Variants in PXN observed in about 807,000 individuals in gnomAD.
PXN encodes the protein paxillin.
PXN carries 61 observed loss-of-function variants against 103.6 expected under a neutral mutation model. The observed-to-expected ratio is 0.59, with a 90% CI of 0.48 to 0.73. PXN has a LOEUF of 0.73. PXN is among the 30% of genes least tolerant of loss of function. PXN has a pLI of 0.00. For synonymous variants in PXN, 562 were observed against 607.8 expected (o/e 0.92, Z 1.11); for missense variants, 1,274 against 1,460.3 (o/e 0.87, Z 2.08).
chr12:120,216,612 G>A lies in PXN; in HGVS notation c.1993-31C>T. 1.3e-6 allele frequency: 2 copies of A among 1,501,836 alleles called. No individual in the cohort carries two copies. Among genetic ancestry groups the A allele is most frequent in the Middle Eastern group, 2.2e-4 (1 of 4,546 alleles). The allele number at this position is 1,501,836 out of a possible 1,614,324, so 93.0% of individuals were successfully genotyped here. On this transcript the variant is annotated intron_variant, in intron 8 of 14. Coordinates refer to ENST00000637617, the MANE Select transcript of PXN (RefSeq NM_001385981.1). This position sits in a 1 kb window ranked among gnomAD's most constrained non-coding sequence, Gnocchi z 5.1. Reference sequence around the variant, plus strand: ...GAGAAGAAAGGAGGGAGAGCGATGAGGAAGAAATCGCCAGCTCAGCCCACA... The same window carrying A: ...GAGAAGAAAGGAGGGAGAGCGATGAAGAAGAAATCGCCAGCTCAGCCCACA...
In PXN at chr12:120,265,618, G is replaced by C; in HGVS notation, c.12C>G (p.Leu4=). 6.7e-7 allele frequency: 1 copy of C among 1,485,888 alleles called. No individual in the cohort carries two copies. Among genetic ancestry groups the C allele is most frequent in the Non-Finnish European group, 8.9e-7 (1 of 1,123,806 alleles). The allele number at this position is 1,485,888 out of a possible 1,614,324, so 92.0% of individuals were successfully genotyped here. A position where few individuals can be genotyped will look rare whatever the true frequency, so the allele number is the denominator to read the frequency against. ...TCCCTCGGCCTCCCGCTCACTCACC[G>C]AGGTCGTCCATGGCCGGACCACGGG... MDD[L]DALLADLEST... The change falls in exon 1 of 15, where the codon CTC becomes CTG. Residue 4 remains leucine, a splice_region_variant and synonymous_variant. Transcript: ENST00000637617. This position sits in a 1 kb window ranked among gnomAD's most constrained non-coding sequence, Gnocchi z 5.7.
rs774881093 is a variant in PXN, at chr12:120,214,804, G to C, written c.2748+21C>G. 2 of 1,612,872 alleles carry C rather than the reference G, an allele frequency of 1.2e-6. No individual in the cohort carries two copies. Among genetic ancestry groups the C allele is most frequent in the East Asian group, 2.2e-5 (1 of 44,860 alleles). On this transcript the variant is annotated intron_variant, in intron 12 of 14. Coordinates refer to ENST00000637617, the MANE Select transcript of PXN (RefSeq NM_001385981.1). This position sits in a 1 kb window ranked among gnomAD's most constrained non-coding sequence, Gnocchi z 5.0. ...AGCTGGAATGAGCGGAAGCGGGCGC[G>C]GTGCCGGATGAGGAACTCACATCCA...
chr12:120,223,455 A>G (rs958260305), intron 3 of PXN, among the ~76,000 whole-genome samples: 8 of 151,238 alleles, frequency 5.3e-5, no homozygotes, highest in African/African-American at 1.9e-4. Flanking sequence ...AAAAAAGAAA[A>G]AAAGAAGAGG....
rs974323920 is a variant in PXN at position 120,210,994 on chromosome 12, G to A, written c.*1320C>T. The A allele has an allele frequency of 2.0e-5, 3 of 152,638 alleles. No homozygotes were observed. The highest frequency in any genetic ancestry group is 7.2e-5 in the African/African-American group (3 of 41,450). The allele number at this position is 152,638 out of a possible 1,614,324, so 9.5% of individuals were successfully genotyped here. A position where few individuals can be genotyped will look rare whatever the true frequency, so the allele number is the denominator to read the frequency against. ...CAGATCTGGGGAAGGGATATGCCCA[G>A]AGGAAATCAACAAGACCAAAGAGAC... On this transcript the variant is annotated 3_prime_UTR_variant, in exon 15 of 15. Transcript: ENST00000637617.
At position 120,216,953 on chromosome 12, in the gene PXN, G is replaced by A; in HGVS notation, c.1880C>T (p.Ala627Val). The change falls in exon 8 of 15, where the codon GCA becomes GTA. Residue 627 changes from alanine (A) to valine (V), a missense_variant. Ala to Val is a moderately conservative substitution (Grantham distance 64). Transcript: ENST00000637617. This position sits in a 1 kb window ranked among gnomAD's most constrained non-coding sequence, Gnocchi z 5.1. The part of the protein sequence containing the change: ...LQGRLGIQPE[A>V]EEPAEAAGPS... Reference sequence around the variant, plus strand: ...CCCCGCCGCCTCCGCCGGCTCCTCTGCCTCAGGCTGGATGCCCAGCCGCCC... The same window carrying A: ...CCCCGCCGCCTCCGCCGGCTCCTCTACCTCAGGCTGGATGCCCAGCCGCCC... 1 of 1,536,018 alleles carries A rather than the reference G, an allele frequency of 6.5e-7. No individual in the cohort carries two copies. Among genetic ancestry groups the A allele is most frequent in the Non-Finnish European group, 8.7e-7 (1 of 1,146,794 alleles).
At chr12:120,236,248 CA>C (rs972671973) in intron 1 of PXN, among the ~76,000 whole-genome samples, 1 of 152,248 alleles carries the variant, frequency 6.6e-6, no homozygotes, top group African/African-American at 2.4e-5. Flanking sequence ...CCCTGACGTG[CA>C]ATCTGCCATG....
chr12:120,229,257 G>T lies in PXN; in HGVS notation c.14-4880C>A, dbSNP rs976118493. Among the ~76,000 whole-genome samples, 1 of 152,014 alleles carries T rather than the reference G, an allele frequency of 6.6e-6. No homozygotes were observed. Among genetic ancestry groups the T allele is most frequent in the Non-Finnish European group, 1.5e-5 (1 of 67,990 alleles). The stretch of plus-strand genomic sequence containing the variant: ...TAAAGAGAATCAATTAAAACCTTCC[G>T]CCCCCACCCCCGACTGCAGCACAGA... On this transcript the variant is annotated intron_variant, in intron 1 of 14. Coordinates refer to ENST00000637617, the MANE Select transcript of PXN (RefSeq NM_001385981.1). This position sits in a 1 kb window ranked among gnomAD's most constrained non-coding sequence, Gnocchi z 4.0.
In PXN at chr12:120,213,833, G is replaced by T. The variant is rs762588808; in HGVS notation, c.2979+9C>A. On this transcript the variant is annotated intron_variant, in intron 14 of 14. Transcript: ENST00000637617. The surrounding 1 kb of genome is among the most constrained non-coding windows in gnomAD (Gnocchi z 4.2). Reference sequence around the variant, plus strand: ...CTCGCCCCTCCAGATGTGGTCAGGGGCTCCTTACCCGGCACACAAAGCACT... The same window carrying T: ...CTCGCCCCTCCAGATGTGGTCAGGGTCTCCTTACCCGGCACACAAAGCACT... 6.2e-7 allele frequency: 1 copy of T among 1,607,996 alleles called. No individual in the cohort carries two copies. Among genetic ancestry groups the T allele is most frequent in the East Asian group, 2.2e-5 (1 of 44,650 alleles).
Position 120,211,588 on chromosome 12 carries a change from A to G in PXN, c.*726T>C, listed in dbSNP as rs1880179335. On this transcript the variant is annotated 3_prime_UTR_variant, in exon 15 of 15. Transcript: ENST00000637617. The stretch of plus-strand genomic sequence containing the variant: ...AGCAACTCAGGCGATATGAATTCAA[A>G]CCTCAGTGTAGAAATCTATCAAAGT... The G allele has an allele frequency of 4.7e-6, 1 of 213,536 alleles. No homozygotes were observed. The highest frequency in any genetic ancestry group is 9.8e-6 in the Non-Finnish European group (1 of 102,220). 13.2% of individuals were successfully genotyped at this position (213,536 alleles called of 1,614,324 possible).
At position 120,216,181 on chromosome 12, in the gene PXN, TATGTGTGTGTGCAC is replaced by T. The variant is rs902918550; in HGVS notation, c.2301+78_2301+91del. On this transcript the variant is annotated intron_variant, in intron 9 of 14. Transcript: ENST00000637617. This position sits in a 1 kb window ranked among gnomAD's most constrained non-coding sequence, Gnocchi z 5.1. ...GATGGAGGGATGGAGGGTATCTGTG[TATGTGTGTGTGCAC>T]GTGTGTGTGTGCAGAGTGGGGGATG... 7.8e-7 allele frequency: 1 copy of T among 1,274,470 alleles called. No individual in the cohort carries two copies. Among genetic ancestry groups the T allele is most frequent in the African/African-American group, 1.5e-5 (1 of 64,692 alleles). The allele number at this position is 1,274,470 out of a possible 1,614,324, so 78.9% of individuals were successfully genotyped here. A position where few individuals can be genotyped will look rare whatever the true frequency, so the allele number is the denominator to read the frequency against.
intron 1 of PXN, among the ~76,000 whole-genome samples, chr12:120,261,922 C>G (rs560752756): frequency 1.1e-4 from 16 of 152,216 alleles, no homozygotes; most frequent in Non-Finnish European, 1.6e-4. Flanking sequence ...AGGTTTGAAT[C>G]CCAGCTCTGC....
Position 120,219,670 on chromosome 12 carries a change from T to C in PXN, c.1253A>G (p.Gln418Arg), listed in dbSNP as rs1480712644. ...GCACGAAGGGCTGGCTGGTGGCCCC[T>C]GGGGCTCCCCAGGCTCTTGGAGAGC... is the stretch of plus-strand genomic sequence containing the variant. ...STALQEPGEP[Q>R]GPPASPSCPE... The change falls in exon 7 of 15, where the codon CAG becomes CGG. Residue 418 changes from glutamine to arginine, a missense_variant. Gln to Arg is a conservative substitution (Grantham distance 43, BLOSUM62 1). Coordinates refer to ENST00000637617, the MANE Select transcript of PXN (RefSeq NM_001385981.1). The surrounding 1 kb of genome is among the most constrained non-coding windows in gnomAD (Gnocchi z 6.5). 2 of 1,586,886 alleles carry C rather than the reference T, an allele frequency of 1.3e-6. No homozygotes were observed. Among genetic ancestry groups the C allele is most frequent in the East Asian group, 4.5e-5 (2 of 44,182 alleles).
rs547154013 is a variant in PXN at position 120,232,017 on chromosome 12, CAG to C, written c.14-7642_14-7641del. Among the ~76,000 whole-genome samples, 24 of 152,346 alleles carry C rather than the reference CAG, an allele frequency of 1.6e-4. No homozygotes were observed. The East Asian group carries it at 4.0e-3, about 26-fold the overall frequency. ...AGTTCAGGCCAGGCTGGCCAAACAC[CAG>C]AGTCTTTCTCTTCTTTTTTTCTTTT... On this transcript the variant is annotated intron_variant, in intron 1 of 14. Transcript: ENST00000637617.
intron 1 of PXN, among the ~76,000 whole-genome samples, chr12:120,243,205 T>G (rs964651598): frequency 2.6e-5 from 4 of 152,182 alleles, no homozygotes; most frequent in Non-Finnish European, 4.4e-5. Context: ...TCTAATCCCT[T>G]GAGACTCATA....
chr12:120,262,659 T>C (rs2136737435), intron 1 of PXN, among the ~76,000 whole-genome samples: 1 of 152,200 alleles, frequency 6.6e-6, no homozygotes, highest in East Asian at 1.9e-4. Flanking sequence ...TAGACCACAG[T>C]TGTGGTCAAA....
At position 120,224,398 on chromosome 12, in the gene PXN, T is replaced by G; in HGVS notation, c.14-21A>C. ...GGCGTCTGCAAAGAGAAGGCACGGGTAGCAGGTGAGAACCGGGATCCTGGG... is the reference window on the plus strand; with the variant it reads ...GGCGTCTGCAAAGAGAAGGCACGGGGAGCAGGTGAGAACCGGGATCCTGGG... On this transcript the variant is annotated intron_variant, in intron 1 of 14. Coordinates refer to ENST00000637617, the MANE Select transcript of PXN (RefSeq NM_001385981.1). This position sits in a 1 kb window ranked among gnomAD's most constrained non-coding sequence, Gnocchi z 5.0. The G allele has an allele frequency of 1.6e-5, 25 of 1,583,782 alleles. No homozygotes were observed. Among genetic ancestry groups the G allele is most frequent in the Middle Eastern group, 1.7e-4 (1 of 6,008 alleles).
In PXN at chr12:120,219,675, C is replaced by T. The variant is rs537180407; in HGVS notation, c.1248G>A (p.Glu416=). The T allele has an allele frequency of 6.3e-7, 1 of 1,587,280 alleles. No individual in the cohort carries two copies. The highest frequency in any genetic ancestry group is 8.5e-7 in the Non-Finnish European group (1 of 1,175,040). Residue 416 remains glutamate (E), a synonymous_variant, in exon 7 of 15, where the codon GAG becomes GAA. Coordinates refer to ENST00000637617, the MANE Select transcript of PXN (RefSeq NM_001385981.1). The surrounding 1 kb of genome is among the most constrained non-coding windows in gnomAD (Gnocchi z 6.5). Reference sequence around the variant, plus strand: ...AAGGGCTGGCTGGTGGCCCCTGGGGCTCCCCAGGCTCTTGGAGAGCTGTGC... The same window carrying T: ...AAGGGCTGGCTGGTGGCCCCTGGGGTTCCCCAGGCTCTTGGAGAGCTGTGC... ...AGSTALQEPG[E]PQGPPASPSC...
At chr12:120,241,735 C>T (rs1477473457) in intron 1 of PXN, among the ~76,000 whole-genome samples, 1 of 152,136 alleles carries the variant, frequency 6.6e-6, no homozygotes, top group African/African-American at 2.4e-5. Flanking sequence ...AGTGCAAGTC[C>T]CAGCTTGATG....
chr12:120,216,904 G>T lies in PXN; in HGVS notation c.1929C>A (p.Thr643=). The T allele has an allele frequency of 6.6e-7, 1 of 1,519,882 alleles. No homozygotes were observed. Among genetic ancestry groups the T allele is most frequent in the African/African-American group, 1.4e-5 (1 of 72,364 alleles). The allele number at this position is 1,519,882 out of a possible 1,614,324, so 94.1% of individuals were successfully genotyped here. The part of the protein sequence containing the change: ...AAGPSAQDWL[T]EGVIITVQPR... ...GCTGCACAGTGATGATGACGCCCTCGGTCAGCCAGTCCTGGGCAGAGGGCC... is the reference window on the plus strand; with the variant it reads ...GCTGCACAGTGATGATGACGCCCTCTGTCAGCCAGTCCTGGGCAGAGGGCC... The change falls in exon 8 of 15, where the codon ACC becomes ACA. Residue 643 remains threonine, a synonymous_variant. Transcript: ENST00000637617. This position sits in a 1 kb window ranked among gnomAD's most constrained non-coding sequence, Gnocchi z 5.1.
Sources: allele counts gnomAD v4.1 joint callset (sites outside exome capture counted in the v4.1 genomes callset), GRCh38; gene constraint gnomAD v4.1.1; non-coding constraint Gnocchi (gnomAD v3.1); transcripts MANE v1.5; gene names NCBI Gene and HGNC (gene_info 2026-07-23, HGNC 2026-07-21).